ZMYM5: variants seen among roughly 807,000 people sequenced by gnomAD.
ZMYM5 encodes the protein zinc finger MYM-type containing 5.
Under a neutral mutation model 61.8 loss-of-function variants are expected in ZMYM5, and 41 were observed. That is an observed-to-expected ratio of 0.66 (90% confidence interval 0.52 to 0.86). The LOEUF is 0.86. ZMYM5 is among the 40% of genes least tolerant of loss of function. The pLI, the probability that ZMYM5 is intolerant of heterozygous loss-of-function variation, is 0.00. For missense variants in ZMYM5, 706 were observed against 786.7 expected (o/e 0.90, Z 1.23); for synonymous variants, 257 against 276.4 (o/e 0.93, Z 0.70).
chr13:19,830,148 T>C (rs368376613), intron 7 of ZMYM5, among the ~76,000 whole-genome samples: 1 of 151,596 alleles, frequency 6.6e-6, no homozygotes, highest in African/African-American at 2.4e-5. Flanking sequence ...TGAGAAGCAC[T>C]GGCTTAGATC....
intron 4 of ZMYM5, among the ~76,000 whole-genome samples, chr13:19,840,135 C>G (rs1952816639): frequency 6.6e-6 from 1 of 152,172 alleles, no homozygotes; most frequent in Non-Finnish European, 1.5e-5. Flanking sequence ...ATTTTGTAAT[C>G]TATCTTCAAA....
chr13:19,831,846 G>T (rs1593850797), intron 7 of ZMYM5, among the ~76,000 whole-genome samples: 1 of 130,486 alleles, frequency 7.7e-6, no homozygotes, highest in African/African-American at 2.8e-5. Flanking sequence ...TGCCTAGTTT[G>T]ACTATGCATA....
At position 19,852,005 on chromosome 13, in the gene ZMYM5, T is replaced by C. The variant is rs780773734; in HGVS notation, c.176A>G (p.Asp59Gly). 8 of 1,605,754 alleles carry C rather than the reference T, an allele frequency of 5.0e-6. No homozygotes were observed. Among genetic ancestry groups the C allele is most frequent in the Non-Finnish European group, 6.8e-6 (8 of 1,174,382 alleles). The stretch of plus-strand genomic sequence containing the variant: ...TTGTATAGATTCAATAAACACAACA[T>C]CATCATCATCATCATCATCTTCCAC... ...SPVEDDDDDD[D>G]VVFIESIQPP... Residue 59 changes from aspartate to glycine, a missense_variant, in exon 3 of 8, where the codon GAT becomes GGT. Physicochemically the swap from Asp to Gly is moderately conservative, Grantham distance 94. This residue lies in a region of ZMYM5 where 480 missense variants were observed against 461.7 expected (regional missense o/e 1.04). Coordinates refer to ENST00000337963, the MANE Select transcript of ZMYM5 (RefSeq NM_001142684.2).
At chr13:19,830,045 T>C (rs768418265) in intron 7 of ZMYM5, among the ~76,000 whole-genome samples, 1 of 152,100 alleles carries the variant, frequency 6.6e-6, no homozygotes, top group African/African-American at 2.4e-5. Flanking sequence ...CTGGACTCTA[T>C]CCACTAGAGT....
At chr13:19,825,626 G>A (rs183649293) in intron 7 of ZMYM5, among the ~76,000 whole-genome samples, 9 of 150,028 alleles carry the variant, frequency 6.0e-5, no homozygotes, top group Admixed American at 1.3e-4. Flanking sequence ...CAGTCTGGGC[G>A]AAAGAGTGAG....
intron 4 of ZMYM5, among the ~76,000 whole-genome samples, chr13:19,850,332 G>A (rs192135846): frequency 3.9e-5 from 6 of 152,296 alleles, no homozygotes; most frequent in Admixed American, 2.6e-4. Flanking sequence ...AGTCGCAGTG[G>A]CTCACACCTG....
intron 4 of ZMYM5, among the ~76,000 whole-genome samples, chr13:19,840,099 G>A (rs1002099753): frequency 6.6e-6 from 1 of 152,206 alleles, no homozygotes; most frequent in African/African-American, 2.4e-5. Flanking sequence ...GAAGCTTTGA[G>A]AAACAAGGTT....
chr13:19,851,939 T>C lies in ZMYM5; in HGVS notation c.242A>G (p.Asn81Ser), dbSNP rs1183625704. Reference sequence around the variant, plus strand: ...ATTTTTTGATGATGCAAATATGAAGTTTCTTTGATCAGCTATTGCTGGAGC... The same window carrying C: ...ATTTTTTGATGATGCAAATATGAAGCTTCTTTGATCAGCTATTGCTGGAGC... ...ISAPAIADQRNFIFASSKNEK... is the reference protein window; with the variant it reads ...ISAPAIADQRSFIFASSKNEK... Residue 81 changes from asparagine (N) to serine (S), a missense_variant, in exon 3 of 8, where the codon AAC becomes AGC. By Grantham distance (46) the Asn-to-Ser change is conservative (BLOSUM62 1). Coordinates refer to ENST00000337963, the MANE Select transcript of ZMYM5 (RefSeq NM_001142684.2). 1 of 1,613,742 alleles carries C rather than the reference T, an allele frequency of 6.2e-7. No individual in the cohort carries two copies. Among genetic ancestry groups the C allele is most frequent in the Non-Finnish European group, 8.5e-7 (1 of 1,179,976 alleles).
At chr13:19,856,461 A>C (rs150325580) in intron 2 of ZMYM5, among the ~76,000 whole-genome samples, 2 of 151,852 alleles carry the variant, frequency 1.3e-5, no homozygotes, top group African/African-American at 4.8e-5. Flanking sequence ...ACCAACATGG[A>C]GAAACCCCAC....
At chr13:19,855,322 G>A (rs1296229785) in intron 2 of ZMYM5, among the ~76,000 whole-genome samples, 2 of 151,880 alleles carry the variant, frequency 1.3e-5, no homozygotes, top group East Asian at 1.9e-4. Flanking sequence ...GAGTGCAGTG[G>A]CACAATCTAG....
intron 4 of ZMYM5, among the ~76,000 whole-genome samples, chr13:19,843,852 G>C (rs1374021168): frequency 1.4e-5 from 2 of 142,154 alleles, no homozygotes; most frequent in Non-Finnish European, 3.1e-5. Context: ...AAAAAAAAGG[G>C]GGCCAGGTGC....
chr13:19,851,914 A>G lies in ZMYM5; in HGVS notation c.267T>C (p.Asn89=). ...QRNFIFASSK[N]EKPQGNYSVI... ...CAGAATAATTTCCTTGAGGCTTTTC[A>G]TTTTTTGATGATGCAAATATGAAGT... is the stretch of plus-strand genomic sequence containing the variant. Residue 89 remains asparagine, a synonymous_variant, in exon 3 of 8, where the codon AAT becomes AAC. Coordinates refer to ENST00000337963, the MANE Select transcript of ZMYM5 (RefSeq NM_001142684.2). 6.2e-7 allele frequency: 1 copy of G among 1,612,992 alleles called. No individual in the cohort carries two copies.
chr13:19,862,111 A>C (rs1439170655), intron 2 of ZMYM5, among the ~76,000 whole-genome samples: 3 of 152,202 alleles, frequency 2.0e-5, no homozygotes, highest in Non-Finnish European at 4.4e-5. Flanking sequence ...AAGTTTTTCC[A>C]ATCTACTGGA....
chr13:19,839,030 T>A (rs746981952), intron 4 of ZMYM5, 45 bp from the exon 5 acceptor site: 2 of 1,579,252 alleles, frequency 1.3e-6, no homozygotes, highest in Admixed American at 1.9e-5. Context: ...AATCAAAATG[T>A]ACATCAGAAA....
chr13:19,855,432 T>G (rs938452990), intron 2 of ZMYM5, among the ~76,000 whole-genome samples: 2 of 151,806 alleles, frequency 1.3e-5, no homozygotes, highest in African/African-American at 2.4e-5. Flanking sequence ...CTGGCTAATT[T>G]TTTGTATTTT....
chr13:19,830,243 G>A (rs561703634), intron 7 of ZMYM5, among the ~76,000 whole-genome samples: 2 of 152,130 alleles, frequency 1.3e-5, no homozygotes, highest in East Asian at 3.9e-4. Flanking sequence ...CTTATGTGTT[G>A]GCCTTTTCAG....
chr13:19,839,645 G>C (rs759926517), intron 4 of ZMYM5, among the ~76,000 whole-genome samples: 10 of 152,076 alleles, frequency 6.6e-5, no homozygotes, highest in Non-Finnish European at 1.5e-4. Context: ...CAAAGTGCTG[G>C]CATTACAGGC....
rs1953664423 is a variant in ZMYM5, at chr13:19,859,876, G to A, written c.-11+2523C>T. ...TCCCAGCACTTTGGGAGGCCAAGGC[G>A]GGCGGATCACTTAGGTCAGGAGTTC... On this transcript the variant is annotated intron_variant, in intron 2 of 7. Coordinates refer to ENST00000337963, the MANE Select transcript of ZMYM5 (RefSeq NM_001142684.2). Among the ~76,000 whole-genome samples the A allele has an allele frequency of 2.6e-5, 4 of 150,956 alleles. No individual in the cohort carries two copies. The South Asian group carries it at 6.3e-4, about 24-fold the overall frequency.
At chr13:19,840,208 C>T (rs1402360472) in intron 4 of ZMYM5, among the ~76,000 whole-genome samples, 1 of 152,016 alleles carries the variant, frequency 6.6e-6, no homozygotes, top group Non-Finnish European at 1.5e-5. Flanking sequence ...GAGGCTAAGG[C>T]GGGAGGATCA....
Sources: gnomAD v4.1 joint callset for allele counts (sites outside exome capture counted in the v4.1 genomes callset) on GRCh38, gnomAD v4.1.1 for gene constraint, gnomAD v4.1.1 regional missense constraint, MANE v1.5 for transcripts, NCBI Gene and HGNC (gene_info 2026-07-23, HGNC 2026-07-21) for gene names.